Variants in PRKD1 observed in about 807,000 individuals in gnomAD.
The protein encoded by PRKD1 is serine/threonine-protein kinase D1.
PRKD1 carries 63 observed loss-of-function variants against 95.9 expected under a neutral mutation model. That is an observed-to-expected ratio of 0.66 (90% CI 0.54 to 0.81). The LOEUF is 0.81. PRKD1 is among the 30% of genes least tolerant of loss of function. PRKD1 has a pLI of 0.00. For missense variants in PRKD1, 1,048 were observed against 1,165.3 expected (o/e 0.90, Z 1.47); for synonymous variants, 425 against 423.1 (o/e 1.00, Z -0.05).
chr14:29,892,688 T>C (rs1893981029), intron 1 of PRKD1, among the ~76,000 whole-genome samples: 1 of 152,182 alleles, frequency 6.6e-6, no homozygotes, highest in African/African-American at 2.4e-5. Context: ...ACTTTAGACA[T>C]AGTACCTTCA....
chr14:29,917,531 T>C (rs1894932939), intron 1 of PRKD1, among the ~76,000 whole-genome samples: 2 of 152,240 alleles, frequency 1.3e-5, no homozygotes, highest in South Asian at 4.1e-4. Flanking sequence ...ATTTCATATT[T>C]GAACAAATTA....
At chr14:29,726,437 T>C (rs1320478702) in intron 1 of PRKD1, among the ~76,000 whole-genome samples, 1 of 152,192 alleles carries the variant, frequency 6.6e-6, no homozygotes, top group Non-Finnish European at 1.5e-5. Context: ...ATTTCTGCCA[T>C]AAATTGACAT....
chr14:29,872,153 A>C (rs1893130105), intron 1 of PRKD1, among the ~76,000 whole-genome samples: 1 of 152,186 alleles, frequency 6.6e-6, no homozygotes, highest in Admixed American at 6.5e-5. Flanking sequence ...CCCATTGAGG[A>C]AGAAGTTTAT....
intron 1 of PRKD1, among the ~76,000 whole-genome samples, chr14:29,801,155 T>G (rs185649042): frequency 3.8e-4 from 58 of 152,206 alleles, no homozygotes; most frequent in Admixed American, 5.9e-4. Context: ...GCAGGCAAGC[T>G]AGCTAGAAAC....
At chr14:29,712,025 G>A (rs945202464) in intron 2 of PRKD1, among the ~76,000 whole-genome samples, 2 of 152,108 alleles carry the variant, frequency 1.3e-5, no homozygotes, top group Admixed American at 6.6e-5. Flanking sequence ...ATAGGATTAA[G>A]CAAAGCAATT....
chr14:29,924,003 A>G (rs2139144869), intron 1 of PRKD1, among the ~76,000 whole-genome samples: 1 of 152,240 alleles, frequency 6.6e-6, no homozygotes, highest in South Asian at 2.1e-4. Context: ...GAAGTCAATG[A>G]TTGTTATTAT....
intron 1 of PRKD1, among the ~76,000 whole-genome samples, chr14:29,854,359 G>A (rs112336692): frequency 0.014 from 2,122 of 152,318 alleles, 38 homozygotes; most frequent in South Asian, 0.092. Context: ...TAGGGAACTG[G>A]AGCAAAAGTG....
intron 1 of PRKD1, among the ~76,000 whole-genome samples, chr14:29,743,512 A>G (rs1887076026): frequency 6.6e-6 from 1 of 152,216 alleles, no homozygotes; most frequent in Non-Finnish European, 1.5e-5. Flanking sequence ...CATAGAACAT[A>G]AAATTCACTA....
chr14:29,882,276 A>C (rs554109595), intron 1 of PRKD1, among the ~76,000 whole-genome samples: 1 of 152,360 alleles, frequency 6.6e-6, no homozygotes, highest in South Asian at 2.1e-4. Context: ...AAAATAAATA[A>C]AATAGGGCAA....
chr14:29,678,408 T>G (rs1000871485), intron 2 of PRKD1, among the ~76,000 whole-genome samples: 1 of 152,198 alleles, frequency 6.6e-6, no homozygotes, highest in Non-Finnish European at 1.5e-5. Flanking sequence ...TCTTGTACAG[T>G]CTTTTTCAGC....
intron 2 of PRKD1, among the ~76,000 whole-genome samples, chr14:29,724,164 G>GCTA (rs1298924167): frequency 6.6e-6 from 1 of 152,130 alleles, no homozygotes; most frequent in African/African-American, 2.4e-5. Flanking sequence ...CAATCTGTCT[G>GCTA]CTACTACTCT....
chr14:29,682,694 T>TA (rs909819699), intron 2 of PRKD1, among the ~76,000 whole-genome samples: 5 of 152,006 alleles, frequency 3.3e-5, no homozygotes, highest in Admixed American at 6.6e-5. Flanking sequence ...TAATAGAAGA[T>TA]AAAAAAATGT....
chr14:29,580,638 TA>T (rs1302076585), intron 16 of PRKD1, among the ~76,000 whole-genome samples: 1 of 152,128 alleles, frequency 6.6e-6, no homozygotes, highest in Non-Finnish European at 1.5e-5. Flanking sequence ...CTGGAACTCT[TA>T]AAATATCCTT....
In PRKD1 at chr14:29,648,298, T is replaced by G. The variant is rs1441584934; in HGVS notation, c.697-9394A>C. Among the ~76,000 whole-genome samples the G allele has an allele frequency of 2.0e-5, 3 of 146,954 alleles. No individual in the cohort carries two copies. The East Asian group carries it at 5.9e-4, about 29-fold the overall frequency. ...GATGTTTAATAAAGAGCACCACAATTTTTTTTTTTTTTTGAGTGGCTACAC... is the reference window on the plus strand; with the variant it reads ...GATGTTTAATAAAGAGCACCACAATGTTTTTTTTTTTTTGAGTGGCTACAC... On this transcript the variant is annotated intron_variant, in intron 4 of 17. Coordinates refer to ENST00000331968, the MANE Select transcript of PRKD1 (RefSeq NM_002742.3).
At chr14:29,732,121 C>T (rs1886470355) in intron 1 of PRKD1, among the ~76,000 whole-genome samples, 1 of 152,132 alleles carries the variant, frequency 6.6e-6, no homozygotes, top group Non-Finnish European at 1.5e-5. Flanking sequence ...GATCCACTCA[C>T]CTTGGCCTCC....
chr14:29,827,762 T>A (rs1201114763), intron 1 of PRKD1, among the ~76,000 whole-genome samples: 1 of 152,148 alleles, frequency 6.6e-6, no homozygotes, highest in Non-Finnish European at 1.5e-5. Context: ...ATTATTAAAA[T>A]ATTGACAAGT....
chr14:29,838,605 G>A (rs1891702949), intron 1 of PRKD1, among the ~76,000 whole-genome samples: 1 of 152,062 alleles, frequency 6.6e-6, no homozygotes, highest in Non-Finnish European at 1.5e-5. Flanking sequence ...TTGTCTTCAT[G>A]CCACATTACT....
intron 2 of PRKD1, among the ~76,000 whole-genome samples, chr14:29,701,374 G>A (rs999920463): frequency 2.6e-5 from 4 of 152,148 alleles, no homozygotes; most frequent in African/African-American, 9.7e-5. Flanking sequence ...AAGCAATGCC[G>A]TAATGATTTA....
chr14:29,783,115 T>G (rs1009286181), intron 1 of PRKD1, among the ~76,000 whole-genome samples: 12 of 152,196 alleles, frequency 7.9e-5, no homozygotes, highest in African/African-American at 2.9e-4. Context: ...TCTCTCTAGC[T>G]GTGTGTTTGT....
Sources: allele counts gnomAD v4.1 joint callset (sites outside exome capture counted in the v4.1 genomes callset), GRCh38; gene constraint gnomAD v4.1.1; transcripts MANE v1.5; gene names NCBI Gene and HGNC (gene_info 2026-07-23, HGNC 2026-07-21).